The following MYBPC1 variants were observed in gnomAD, a reference collection of about 807,000 sequenced individuals.
MYBPC1 encodes the protein myosin-binding protein C, slow-type.
A neutral mutation model predicts 147.1 loss-of-function variants in MYBPC1; 52 were observed. That is an observed-to-expected ratio of 0.35 (90% CI 0.28 to 0.45). The LOEUF (loss-of-function observed/expected upper bound fraction) is 0.45. MYBPC1 is among the 20% of genes least tolerant of loss of function. The pLI is 1.00. For synonymous variants in MYBPC1, 477 were observed against 475.9 expected (o/e 1.00, Z -0.03); for missense variants, 1,228 against 1,440.3 (o/e 0.85, Z 2.39).
At position 101,614,494 on chromosome 12, in the gene MYBPC1, A is replaced by G; in HGVS notation, c.26-2A>G. ...CATTTCCATGACTCTTTCCATTTCTAGAAAATGAAGTGCCAGCCCCAGCCC... is the reference window on the plus strand; with the variant it reads ...CATTTCCATGACTCTTTCCATTTCTGGAAAATGAAGTGCCAGCCCCAGCCC... On this transcript the variant is annotated splice_acceptor_variant, in intron 1 of 31. Coordinates refer to ENST00000361466, the MANE Select transcript of MYBPC1 (RefSeq NM_002465.4). LOFTEE classifies it high-confidence loss of function. 1 of 1,613,908 alleles carries G rather than the reference A, an allele frequency of 6.2e-7. No individual in the cohort carries two copies. Among genetic ancestry groups the G allele is most frequent in the Non-Finnish European group, 8.5e-7 (1 of 1,179,958 alleles).
At chr12:101,630,463 G>C (rs1172313447) in intron 6 of MYBPC1, among the ~76,000 whole-genome samples, 1 of 152,140 alleles carries the variant, frequency 6.6e-6, no homozygotes, top group Non-Finnish European at 1.5e-5. Context: ...ATGGTGACAA[G>C]AATAGGACCT....
chr12:101,663,263 T>C (rs904194404), intron 21 of MYBPC1, among the ~76,000 whole-genome samples, 163 bp from the exon 22 acceptor site: 2 of 152,240 alleles, frequency 1.3e-5, no homozygotes, highest in Non-Finnish European at 2.9e-5. Flanking sequence ...GATCAGCTCT[T>C]TGCCTTACAC....
intron 11 of MYBPC1, among the ~76,000 whole-genome samples, chr12:101,642,830 T>C (rs1892350302): frequency 6.6e-6 from 1 of 152,164 alleles, no homozygotes; most frequent in African/African-American, 2.4e-5. Context: ...TGGGAATTTC[T>C]CAGCCGCCCC....
intron 1 of MYBPC1, among the ~76,000 whole-genome samples, chr12:101,601,764 G>A (rs116800210): frequency 0.018 from 2,803 of 152,034 alleles, 83 homozygotes; most frequent in African/African-American, 0.064. Context: ...ATTTTGGTAA[G>A]TATTCTTCTT....
At chr12:101,643,465 T>G (rs1892472450) in intron 11 of MYBPC1, among the ~76,000 whole-genome samples, 1 of 152,194 alleles carries the variant, frequency 6.6e-6, no homozygotes, top group Admixed American at 6.5e-5. Context: ...TGTTATCACT[T>G]AGCTCTGAAT....
chr12:101,634,165 G>A (rs1490088922), intron 8 of MYBPC1, among the ~76,000 whole-genome samples: 1 of 152,142 alleles, frequency 6.6e-6, no homozygotes, highest in Non-Finnish European at 1.5e-5. Context: ...CTCCCAAAGT[G>A]CTGGGATTAC....
intron 1 of MYBPC1, among the ~76,000 whole-genome samples, chr12:101,604,853 C>T (rs897923756): frequency 5.3e-5 from 8 of 152,170 alleles, no homozygotes; most frequent in African/African-American, 1.4e-4. Flanking sequence ...TTATTATAGA[C>T]GCCATTCCAG....
chr12:101,668,764 C>T (rs1897983371), intron 23 of MYBPC1, among the ~76,000 whole-genome samples: 1 of 152,114 alleles, frequency 6.6e-6, no homozygotes, highest in Non-Finnish European at 1.5e-5. Context: ...CACGCCTGGC[C>T]CTTAGAGTGT....
At chr12:101,624,868 G>A (rs1026911176) in intron 3 of MYBPC1, among the ~76,000 whole-genome samples, 3 of 151,926 alleles carry the variant, frequency 2.0e-5, no homozygotes, top group African/African-American at 7.3e-5. Flanking sequence ...TGTAAAATAT[G>A]AACTTTGTTC....
chr12:101,635,188 G>C (rs946752188), intron 9 of MYBPC1, among the ~76,000 whole-genome samples: 1 of 151,988 alleles, frequency 6.6e-6, no homozygotes, highest in Non-Finnish European at 1.5e-5. Context: ...GAAAAATGGA[G>C]GGGGGGCGGT....
At chr12:101,639,808 G>A (rs1475294677) in intron 10 of MYBPC1, among the ~76,000 whole-genome samples, 11 of 151,704 alleles carry the variant, frequency 7.3e-5, no homozygotes, top group African/African-American at 1.5e-4. Flanking sequence ...TAAATCCTCC[G>A]CCAATGTCAG....
At chr12:101,623,130 G>C (rs1052753728) in intron 3 of MYBPC1, among the ~76,000 whole-genome samples, 1 of 152,136 alleles carries the variant, frequency 6.6e-6, no homozygotes, top group Non-Finnish European at 1.5e-5. Flanking sequence ...CCTGAGCCCA[G>C]GAGTTCAAGA....
At chr12:101,644,363 A>G (rs1318592336) in intron 11 of MYBPC1, among the ~76,000 whole-genome samples, 1 of 152,216 alleles carries the variant, frequency 6.6e-6, no homozygotes, top group African/African-American at 2.4e-5. Flanking sequence ...GTTCACTTTC[A>G]TCTGAACGCT....
At chr12:101,633,876 GAGA>G (rs1373606634) in intron 8 of MYBPC1, among the ~76,000 whole-genome samples, 1 of 150,890 alleles carries the variant, frequency 6.6e-6, no homozygotes, top group Non-Finnish European at 1.5e-5. Context: ...GGGCATCTCT[GAGA>G]AGATCACCTG....
At chr12:101,627,833 G>T in intron 5 of MYBPC1, 29 bp downstream of exon 5, 1 of 1,603,914 alleles carries the variant, frequency 6.2e-7, no homozygotes, top group South Asian at 1.1e-5. Context: ...AAGGCATCCT[G>T]ACCTCATCCT....
chr12:101,623,194 C>T (rs1412112473), intron 3 of MYBPC1, among the ~76,000 whole-genome samples: 2 of 152,070 alleles, frequency 1.3e-5, no homozygotes, highest in Non-Finnish European at 2.9e-5. Flanking sequence ...CAAAAATTAG[C>T]TGGGTGTGGT....
intron 9 of MYBPC1, among the ~76,000 whole-genome samples, chr12:101,635,148 AT>A (rs1890732790): frequency 6.6e-6 from 1 of 152,108 alleles, no homozygotes; most frequent in African/African-American, 2.4e-5. Flanking sequence ...TTAGATACCT[AT>A]TTCATATATT....
At chr12:101,641,611 C>T (rs1186743290) in intron 10 of MYBPC1, among the ~76,000 whole-genome samples, 1 of 152,000 alleles carries the variant, frequency 6.6e-6, no homozygotes, top group Non-Finnish European at 1.5e-5. Context: ...TTCATGGTGC[C>T]CTAAACCATT....
intron 13 of MYBPC1, among the ~76,000 whole-genome samples, chr12:101,647,208 C>G (rs946240781): frequency 6.6e-6 from 1 of 152,208 alleles, no homozygotes; most frequent in Non-Finnish European, 1.5e-5. Context: ...TCTCTTGAAA[C>G]CAGCTTCATT....
Sources: gnomAD v4.1 joint callset for allele counts (sites outside exome capture counted in the v4.1 genomes callset) on GRCh38, gnomAD v4.1.1 for gene constraint, MANE v1.5 for transcripts, NCBI Gene and HGNC (gene_info 2026-07-23, HGNC 2026-07-21) for gene names.